The following PCDH15 variants were observed in gnomAD, a reference collection of about 807,000 sequenced individuals.
The protein encoded by PCDH15 is protocadherin related 15.
Under a neutral mutation model 178.5 loss-of-function variants are expected in PCDH15, and 129 were observed. That is an observed-to-expected ratio of 0.72 (90% CI 0.63 to 0.84). PCDH15 has a LOEUF of 0.84. Ranked by LOEUF, PCDH15 falls within the 40% of genes least tolerant of loss-of-function variation. PCDH15 has a pLI of 0.00. For missense variants in PCDH15, 2,230 were observed against 2,099.9 expected (o/e 1.06, Z -1.21); for synonymous variants, 800 against 732.0 (o/e 1.09, Z -1.50).
chr10:54,574,082 A>C (rs998878540), intron 2 of PCDH15, among the ~76,000 whole-genome samples: 3 of 151,888 alleles, frequency 2.0e-5, no homozygotes, highest in African/African-American at 7.3e-5. Context: ...TTGGTGTTTT[A>C]GACATGAAGT....
chr10:54,520,197 G>A (rs1023389199), intron 3 of PCDH15, among the ~76,000 whole-genome samples: 11 of 152,096 alleles, frequency 7.2e-5, no homozygotes, highest in Non-Finnish European at 1.5e-4. Flanking sequence ...GGCAACAAAA[G>A]CCAAAATTGA....
intron 3 of PCDH15, among the ~76,000 whole-genome samples, chr10:54,451,658 A>T (rs149147032): frequency 6.6e-6 from 1 of 151,964 alleles, no homozygotes; most frequent in Non-Finnish European, 1.5e-5. Flanking sequence ...AAAATCTAAT[A>T]TTTAAGAATT....
intron 18 of PCDH15, among the ~76,000 whole-genome samples, chr10:54,032,149 G>C (rs973271103): frequency 6.6e-6 from 1 of 151,382 alleles, no homozygotes; most frequent in Non-Finnish European, 1.5e-5. Context: ...AAATCTAAGT[G>C]CATTTTGCCA....
chr10:54,267,377 C>A (rs1466432324), intron 8 of PCDH15, among the ~76,000 whole-genome samples: 1 of 151,772 alleles, frequency 6.6e-6, no homozygotes, highest in African/African-American at 2.4e-5. Context: ...ACAAGAATAT[C>A]CACTTTTACC....
At chr10:54,939,364 G>T (rs1185739248) in intron 2 of PCDH15, among the ~76,000 whole-genome samples, 1 of 151,088 alleles carries the variant, frequency 6.6e-6, no homozygotes, top group Non-Finnish European at 1.5e-5. Flanking sequence ...GCGTGGTGGC[G>T]GGCCCCTGTA....
In PCDH15 at chr10:55,419,861, A is replaced by C. The variant is rs544550452; in HGVS notation, c.-156+207764T>G. 5.9e-5 allele frequency among the ~76,000 whole-genome samples: 9 copies of C among 151,896 alleles called. No individual in the cohort carries two copies. The South Asian group carries it at 1.9e-3, about 31-fold the overall frequency. On this transcript the variant is annotated intron_variant, in intron 2 of 5. Coordinates refer to the PCDH15 transcript ENST00000613346. ...TTTATTGGGGGAAAAGTGCAAAAAA[A>C]TATGAACAGATAGTAAAAGACAAAT...
At chr10:53,953,954 T>G (rs2087351117) in intron 23 of PCDH15, among the ~76,000 whole-genome samples, 1 of 152,114 alleles carries the variant, frequency 6.6e-6, no homozygotes, top group African/African-American at 2.4e-5. Flanking sequence ...CATGCCTGGC[T>G]AATTTTTTTG....
chr10:55,623,889 A>C (rs866876733), intron 2 of PCDH15, among the ~76,000 whole-genome samples: 5 of 152,098 alleles, frequency 3.3e-5, no homozygotes, highest in African/African-American at 9.7e-5. Context: ...AGATGGCTCA[A>C]GGGTAAAATT....
chr10:54,712,750 T>A lies in PCDH15; in HGVS notation c.-28-48460A>T, dbSNP rs564988789. 3.3e-5 allele frequency among the ~76,000 whole-genome samples: 5 copies of A among 152,104 alleles called. No homozygotes were observed. The South Asian group carries it at 1.0e-3, about 32-fold the overall frequency. Reference sequence around the variant, plus strand: ...AAGATGATGAGAAGAGCTAACCAACTGGGTTGAAGATTGGTACCAGTTTAA... The same window carrying A: ...AAGATGATGAGAAGAGCTAACCAACAGGGTTGAAGATTGGTACCAGTTTAA... On this transcript the variant is annotated intron_variant, in intron 1 of 37. Transcript: ENST00000644397.
chr10:54,797,586 C>A (rs1952173290), intron 1 of PCDH15, among the ~76,000 whole-genome samples: 1 of 150,118 alleles, frequency 6.7e-6, no homozygotes, highest in South Asian at 2.1e-4. Context: ...AAGATTAAAA[C>A]AATTAATTGT....
chr10:55,154,572 T>C (rs1233034636), intron 2 of PCDH15, among the ~76,000 whole-genome samples: 3 of 152,098 alleles, frequency 2.0e-5, no homozygotes, highest in South Asian at 4.1e-4. Flanking sequence ...TAGTGAAGGG[T>C]GCAGCAGCTA....
At chr10:55,531,186 A>C (rs1007130588) in intron 2 of PCDH15, among the ~76,000 whole-genome samples, 1 of 152,004 alleles carries the variant, frequency 6.6e-6, no homozygotes, top group Non-Finnish European at 1.5e-5. Context: ...TAAAAGATGT[A>C]GTGACAAGTT....
chr10:54,814,334 A>T (rs1436104397), intron 3 of PCDH15, among the ~76,000 whole-genome samples: 1 of 152,218 alleles, frequency 6.6e-6, no homozygotes, highest in Non-Finnish European at 1.5e-5. Context: ...AATTCATTTT[A>T]AAAAGTTTCA....
At chr10:54,396,133 C>A (rs1951188786) in intron 3 of PCDH15, among the ~76,000 whole-genome samples, 1 of 152,158 alleles carries the variant, frequency 6.6e-6, no homozygotes, top group African/African-American at 2.4e-5. Context: ...ATGTTATCCA[C>A]TGAAGAGAAC....
chr10:54,163,941 T>G (rs563441600), intron 13 of PCDH15, among the ~76,000 whole-genome samples: 32 of 152,272 alleles, frequency 2.1e-4, no homozygotes, highest in Non-Finnish European at 3.7e-4. Context: ...TTTGTAAGTA[T>G]GGGCATTATC....
chr10:54,117,709 CT>C (rs147885487), intron 15 of PCDH15, among the ~76,000 whole-genome samples: 4,450 of 152,190 alleles, frequency 0.029, 240 homozygotes, highest in African/African-American at 0.1. Context: ...CCAGGTCCAG[CT>C]TGTCAGTGGA....
intron 1 of PCDH15, among the ~76,000 whole-genome samples, chr10:55,228,451 A>T (rs990774631): frequency 7.9e-5 from 12 of 152,016 alleles, no homozygotes; most frequent in African/African-American, 2.9e-4. Context: ...CTTGACTTTT[A>T]AAAAAATGTA....
At chr10:55,132,242 A>G (rs932008421) in intron 2 of PCDH15, among the ~76,000 whole-genome samples, 1 of 152,204 alleles carries the variant, frequency 6.6e-6, no homozygotes, top group African/African-American at 2.4e-5. Context: ...TGTTTGCAAA[A>G]CACTCACAAA....
intron 2 of PCDH15, among the ~76,000 whole-genome samples, chr10:55,120,925 G>A (rs1837751080): frequency 6.6e-6 from 1 of 152,172 alleles, no homozygotes; most frequent in South Asian, 2.1e-4. Flanking sequence ...GTCTCATGGA[G>A]CCTCAAGTGT....
Sources: allele counts gnomAD v4.1 joint callset (sites outside exome capture counted in the v4.1 genomes callset), GRCh38; gene constraint gnomAD v4.1.1; transcripts MANE v1.5; gene names NCBI Gene and HGNC (gene_info 2026-07-23, HGNC 2026-07-21).